The following FCAR variants were observed in gnomAD, a reference collection of about 807,000 sequenced individuals.
FCAR encodes Fc alpha receptor.
A neutral mutation model predicts 27.1 loss-of-function variants in FCAR; 21 were observed. The ratio of observed to expected loss-of-function variants is 0.77; its 90% CI spans 0.55 to 1.11. FCAR has a LOEUF of 1.11. FCAR is among the 50% of genes most tolerant of loss of function. The pLI is 0.00. For missense variants in FCAR, 404 were observed against 358.4 expected (o/e 1.13, Z -1.03); for synonymous variants, 134 against 135.8 (o/e 0.99, Z 0.09).
chr19:54,889,969 T>C lies in FCAR; in HGVS notation c.*106T>C. 1.2e-6 allele frequency: 1 copy of C among 850,722 alleles called. No homozygotes were observed. Among genetic ancestry groups the C allele is most frequent in the Non-Finnish European group, 1.8e-6 (1 of 546,734 alleles). The allele number at this position is 850,722 out of a possible 1,614,324, so 52.7% of individuals were successfully genotyped here. A position where few individuals can be genotyped will look rare whatever the true frequency, so the allele number is the denominator to read the frequency against. ...CACTAAGAAGCTTGAATCTACTTTT[T>C]TTTTTTTTTGAGACAGAGTCTGGCT... On this transcript the variant is annotated 3_prime_UTR_variant, in exon 5 of 5. Transcript: ENST00000355524.
intron 2 of FCAR, among the ~76,000 whole-genome samples, chr19:54,884,291 G>GTCAA (rs372685164): frequency 2.7e-3 from 409 of 152,328 alleles, no homozygotes; most frequent in African/African-American, 9.6e-3. Context: ...CTGCTCTGGG[G>GTCAA]TCAATGCCTG....
chr19:54,879,676 AT>A (rs34625687), intron 2 of FCAR, among the ~76,000 whole-genome samples: 64,438 of 128,844 alleles, frequency 0.5, 14,993 homozygotes, highest in East Asian at 0.8. Flanking sequence ...GCCTTTTCAC[AT>A]TTTTTTTTTT....
rs767827937 is a variant in FCAR, at chr19:54,888,256, G to C, written c.611G>C (p.Trp204Ser). The C allele has an allele frequency of 2.5e-6, 4 of 1,614,178 alleles. No individual in the cohort carries two copies. In the South Asian group the frequency reaches 4.4e-5, roughly 18 times the overall value. ...YGWYNRSPYL[W>S]SFPSNALELV... ...TGGTACAACAGGAGCCCCTACCTGT[G>C]GTCCTTCCCCAGTAATGCCTTGGAG... is the stretch of plus-strand genomic sequence containing the variant. The change falls in exon 4 of 5, where the codon TGG (tryptophan) becomes TCG (serine). Residue 204 changes from tryptophan to serine, a missense_variant. Transcript: ENST00000355524.
intron 2 of FCAR, 87 bp downstream of exon 2, chr19:54,875,452 A>T (rs747027258): frequency 1.4e-5 from 16 of 1,110,008 alleles, no homozygotes; most frequent in Non-Finnish European, 2.2e-5. Context: ...CTGAAGCACC[A>T]TTCTTATTTT....
Position 54,877,044 on chromosome 19 carries a change from A to C in FCAR, c.70+1679A>C, listed in dbSNP as rs187637641. The stretch of plus-strand genomic sequence containing the variant: ...TTTTGCATTTATGTTCAACAAGGAT[A>C]TTGTCCTGAAGTTTTCTGGTTTTGT... On this transcript the variant is annotated intron_variant, in intron 2 of 4. Transcript: ENST00000355524. 2.6e-5 allele frequency among the ~76,000 whole-genome samples: 4 copies of C among 152,280 alleles called. No individual in the cohort carries two copies. The East Asian group carries it at 7.7e-4, about 29-fold the overall frequency.
At chr19:54,875,412 A>G in intron 2 of FCAR, 47 bp downstream of exon 2, 1 of 1,524,046 alleles carries the variant, frequency 6.6e-7, no homozygotes, top group African/African-American at 1.4e-5. Flanking sequence ...CCCTCTTGGG[A>G]GCTCTAGGAT....
intron 3 of FCAR, 110 bp from the exon 4 acceptor site, chr19:54,887,897 A>G: frequency 1.2e-6 from 1 of 842,734 alleles, no homozygotes; most frequent in South Asian, 2.4e-5. Flanking sequence ...AGCTTGGGCA[A>G]TAAGAGCGAA....
chr19:54,877,047 G>A (rs753788658), intron 2 of FCAR, among the ~76,000 whole-genome samples: 4 of 152,186 alleles, frequency 2.6e-5, no homozygotes, highest in Non-Finnish European at 5.9e-5. Context: ...CAAGGATATT[G>A]TCCTGAAGTT....
At chr19:54,889,517 A>G (rs1010953571) in intron 4 of FCAR, 132 bp from the exon 5 acceptor site, 7 of 725,438 alleles carry the variant, frequency 9.6e-6, no homozygotes, top group Non-Finnish European at 1.7e-5. Flanking sequence ...GCATGAGCTC[A>G]TTGAGGGGAT....
At chr19:54,879,898 G>C (rs1012683159) in intron 2 of FCAR, among the ~76,000 whole-genome samples, 1 of 152,104 alleles carries the variant, frequency 6.6e-6, no homozygotes, top group East Asian at 1.9e-4. Context: ...TGTTAGCCAG[G>C]ATGGTCTCAA....
At chr19:54,889,277 G>A (rs2066929347) in intron 4 of FCAR, among the ~76,000 whole-genome samples, 1 of 149,684 alleles carries the variant, frequency 6.7e-6, no homozygotes, top group Non-Finnish European at 1.5e-5. Flanking sequence ...GGAGGCTGAG[G>A]CAGGAGAATC....
rs143662566 is a variant in FCAR, at chr19:54,890,375, G to A, written c.*512G>A. The A allele has an allele frequency of 4.8e-4, 73 of 151,714 alleles. 1 individual carries two copies. The highest frequency in any genetic ancestry group is 9.9e-4 in the Admixed American group (15 of 15,226). 9.4% of individuals were successfully genotyped at this position (151,714 alleles called of 1,614,324 possible). The stretch of plus-strand genomic sequence containing the variant: ...TCTGTCTTCTGATTTTTTATATCCT[G>A]TTTAATTTCTTCCTTCATTGTTCTT... On this transcript the variant is annotated 3_prime_UTR_variant, in exon 5 of 5. Transcript: ENST00000355524.
chr19:54,887,935 T>C lies in FCAR; in HGVS notation c.362-72T>C, dbSNP rs190006840. The C allele has an allele frequency of 1.0e-4, 126 of 1,216,610 alleles. No homozygotes were observed. The African/African-American group carries it at 1.7e-3, about 17-fold the overall frequency. The allele number at this position is 1,216,610 out of a possible 1,614,324, so 75.4% of individuals were successfully genotyped here. A position where few individuals can be genotyped will look rare whatever the true frequency, so the allele number is the denominator to read the frequency against. ...TCCATCTCAAAAAAATATATAATAA[T>C]AACAATAATAAGAAGAAGAAAAGAA... On this transcript the variant is annotated intron_variant, in intron 3 of 4. Coordinates refer to ENST00000355524, the MANE Select transcript of FCAR (RefSeq NM_002000.4).
chr19:54,874,383 G>T (rs2065978715), intron 1 of FCAR, 60 bp downstream of exon 1: 1 of 1,542,220 alleles, frequency 6.5e-7, no homozygotes, highest in Non-Finnish European at 9.0e-7. Flanking sequence ...AAATAATCAG[G>T]GTGTCTCTTA....
intron 3 of FCAR, among the ~76,000 whole-genome samples, chr19:54,886,731 G>A (rs1447579993): frequency 1.3e-5 from 2 of 152,180 alleles, no homozygotes; most frequent in African/African-American, 2.4e-5. Context: ...GGCTGTCACA[G>A]CTTCTCAGAT....
At chr19:54,886,400 C>T (rs945692448) in intron 3 of FCAR, among the ~76,000 whole-genome samples, 49 of 142,618 alleles carry the variant, frequency 3.4e-4, no homozygotes, top group Middle Eastern at 3.8e-3. Context: ...TCCAACCTCC[C>T]GGGTTCACGC....
chr19:54,878,664 T>C (rs746674885), intron 2 of FCAR, among the ~76,000 whole-genome samples: 7 of 152,028 alleles, frequency 4.6e-5, no homozygotes, highest in Non-Finnish European at 1.0e-4. Flanking sequence ...TTGAACCCTT[T>C]ACCATGATTT....
intron 2 of FCAR, among the ~76,000 whole-genome samples, chr19:54,876,132 T>C (rs1186640340): frequency 6.6e-6 from 1 of 152,218 alleles, no homozygotes; most frequent in African/African-American, 2.4e-5. Context: ...GCTCTCAGCT[T>C]AGATGTTTTT....
intron 3 of FCAR, 147 bp downstream of exon 3, chr19:54,885,672 C>A: frequency 1.6e-6 from 1 of 615,772 alleles, no homozygotes; most frequent in Non-Finnish European, 2.8e-6. Flanking sequence ...CCCACTTCCC[C>A]CAGAGTTAAC....
Sources: gnomAD v4.1 joint callset for allele counts (sites outside exome capture counted in the v4.1 genomes callset) on GRCh38, gnomAD v4.1.1 for gene constraint, MANE v1.5 for transcripts, NCBI Gene and HGNC (gene_info 2026-07-23, HGNC 2026-07-21) for gene names.